Variants in NOL4 observed in about 807,000 individuals in gnomAD.
NOL4 encodes the protein nucleolar protein 4, also known as cancer/testis antigen 125.
In NOL4, 17 loss-of-function variants were observed where a neutral mutation model predicts 75.9. The observed-to-expected ratio is 0.22, with a 90% CI of 0.15 to 0.34. The LOEUF is 0.34. Ranked by LOEUF, NOL4 falls within the 10% of genes least tolerant of loss-of-function variation. The pLI is 1.00. For synonymous variants in NOL4, 292 were observed against 289.9 expected, an observed-to-expected ratio of 1.01 and a Z score of -0.07; for missense variants, 614 against 793.5, an observed-to-expected ratio of 0.77 and a Z score of 2.72.
chr18:34,134,771 G>C (rs2080822886), intron 1 of NOL4, among the ~76,000 whole-genome samples: 1 of 151,994 alleles, frequency 6.6e-6, no homozygotes, highest in African/African-American at 2.4e-5. Context: ...CATGTTTTAT[G>C]ACCAAAATGG....
chr18:33,986,230 T>C (rs1293444688), intron 6 of NOL4, among the ~76,000 whole-genome samples: 1 of 152,140 alleles, frequency 6.6e-6, no homozygotes, highest in Non-Finnish European at 1.5e-5. Context: ...ATTCAATATA[T>C]TGGTTTGAAA....
Position 33,982,372 on chromosome 18 carries a change from A to G in NOL4, c.1057-23954T>C, listed in dbSNP as rs561881906. ...TAAAAATAAAGGAATGAATAAAGAT[A>G]CACCATGCTAATACTAATCAAGAAT... On this transcript the variant is annotated intron_variant, in intron 6 of 10. Transcript: ENST00000261592. Among the ~76,000 whole-genome samples, 10 of 152,288 alleles carry G rather than the reference A, an allele frequency of 6.6e-5. 1 individual carries two copies. The South Asian group carries it at 1.9e-3, about 28-fold the overall frequency.
At chr18:33,868,025 G>A (rs904467842) in intron 10 of NOL4, among the ~76,000 whole-genome samples, 3 of 151,206 alleles carry the variant, frequency 2.0e-5, no homozygotes, top group Non-Finnish European at 4.4e-5. Flanking sequence ...TGCTTTACTC[G>A]GTCTACTGAT....
chr18:34,123,332 A>C (rs1033904774), intron 2 of NOL4, among the ~76,000 whole-genome samples: 6 of 151,422 alleles, frequency 4.0e-5, no homozygotes, highest in African/African-American at 1.5e-4. Flanking sequence ...TTTCCTTCTG[A>C]GATGTTGTAC....
intron 8 of NOL4, among the ~76,000 whole-genome samples, chr18:33,952,476 A>G (rs2069307131): frequency 6.6e-6 from 1 of 152,214 alleles, no homozygotes; most frequent in African/African-American, 2.4e-5. Flanking sequence ...TGCTATACAT[A>G]TACATACATG....
At chr18:34,073,129 T>C (rs2077591223) in intron 5 of NOL4, among the ~76,000 whole-genome samples, 1 of 152,060 alleles carries the variant, frequency 6.6e-6, no homozygotes, top group Non-Finnish European at 1.5e-5. Flanking sequence ...TATAGCTAGA[T>C]GCTCATTTGT....
intron 10 of NOL4, among the ~76,000 whole-genome samples, chr18:33,869,374 T>C (rs1448952511): frequency 6.6e-6 from 1 of 152,040 alleles, no homozygotes; most frequent in Non-Finnish European, 1.5e-5. Context: ...ATAGACAAGC[T>C]AATTTTAATA....
intron 8 of NOL4, 23 bp from the exon 9 acceptor site, chr18:33,943,201 A>G: frequency 6.5e-7 from 1 of 1,538,260 alleles, no homozygotes; most frequent in Non-Finnish European, 8.9e-7. Flanking sequence ...AGAGAAAAGT[A>G]TGAAAAAAAT....
chr18:34,024,237 T>C, intron 5 of NOL4, among the ~76,000 whole-genome samples: 1 of 114,116 alleles, frequency 8.8e-6, no homozygotes, highest in African/African-American at 3.2e-5. Context: ...TTAACATTAG[T>C]ACTTGGAAAT....
At chr18:34,140,553 T>C (rs2081102040) in intron 1 of NOL4, among the ~76,000 whole-genome samples, 1 of 152,126 alleles carries the variant, frequency 6.6e-6, no homozygotes, top group Non-Finnish European at 1.5e-5. Flanking sequence ...TCCATCCCTT[T>C]ATTTTGAGCC....
intron 9 of NOL4, among the ~76,000 whole-genome samples, chr18:33,906,227 G>A (rs1217046999): frequency 6.6e-6 from 1 of 152,146 alleles, no homozygotes. Context: ...CCCGACCAAG[G>A]ATGGAGGCAT....
rs2145317765 is a variant in NOL4 at position 33,924,368 on chromosome 18, T to C, written c.1542+18697A>G. Among the ~76,000 whole-genome samples, 2 of 152,298 alleles carry C rather than the reference T, an allele frequency of 1.3e-5. 1 individual carries two copies. The highest frequency in any genetic ancestry group is 4.1e-4 in the South Asian group (2 of 4,830). ...ATATTGTACTTGTGATTTTCCCTAT[T>C]TGGTGCTAAAACTGTGTTTAATATG... On this transcript the variant is annotated intron_variant, in intron 9 of 10. Transcript: ENST00000261592.
Position 33,957,398 on chromosome 18 carries a change from T to C in NOL4, c.1356A>G (p.Gln452=). The part of the protein sequence containing the change: ...DSCRRQFPEY[Q]ERARKRIRTY... ...TACGTATACGTTTTCTGGCACGCTC[T>C]TGATACTCAGGGAATTGTCGCCTGC... Residue 452 remains glutamine, a synonymous_variant, in exon 8 of 11, where the codon CAA becomes CAG. Transcript: ENST00000261592. The C allele has an allele frequency of 6.2e-7, 1 of 1,613,792 alleles. No individual in the cohort carries two copies. Among genetic ancestry groups the C allele is most frequent in the Non-Finnish European group, 8.5e-7 (1 of 1,179,838 alleles).
intron 6 of NOL4, chr18:34,001,711 A>G (rs1360423230): frequency 6.6e-6 from 1 of 152,302 alleles, no homozygotes; most frequent in East Asian, 1.9e-4. Flanking sequence ...AGGCCTGTCA[A>G]GTGAAGCAAT....
intron 2 of NOL4, among the ~76,000 whole-genome samples, chr18:34,117,226 T>C: frequency 6.6e-6 from 1 of 152,188 alleles, no homozygotes; most frequent in East Asian, 1.9e-4. Context: ...ATGATCTCTG[T>C]GTAACAGATG....
chr18:34,104,192 G>A, intron 3 of NOL4, 33 bp from the exon 4 acceptor site: 1 of 1,200,096 alleles, frequency 8.3e-7, no homozygotes, highest in Non-Finnish European at 1.2e-6. Flanking sequence ...GGTAATGAAA[G>A]TAATACTGCA....
chr18:33,960,355 G>A (rs1179919271), intron 6 of NOL4, among the ~76,000 whole-genome samples: 1 of 151,880 alleles, frequency 6.6e-6, no homozygotes, highest in African/African-American at 2.4e-5. Context: ...TTCAACTTAG[G>A]ACTAAACATA....
intron 9 of NOL4, among the ~76,000 whole-genome samples, chr18:33,933,127 T>C (rs2067814589): frequency 1.3e-5 from 2 of 152,160 alleles, no homozygotes; most frequent in African/African-American, 4.8e-5. Flanking sequence ...AACATGAACT[T>C]TTTGTTTTTC....
At chr18:34,207,714 T>A (rs2036219709) in intron 1 of NOL4, among the ~76,000 whole-genome samples, 3 of 152,326 alleles carry the variant, frequency 2.0e-5, no homozygotes, top group South Asian at 4.1e-4. Context: ...GTTTTAGTTA[T>A]GTGCACTGTT....
Sources: gnomAD v4.1 joint callset for allele counts (sites outside exome capture counted in the v4.1 genomes callset) on GRCh38, gnomAD v4.1.1 for gene constraint, MANE v1.5 for transcripts, NCBI Gene and HGNC (gene_info 2026-07-23, HGNC 2026-07-21) for gene names.